CCDC183: variants seen among roughly 807,000 people sequenced by gnomAD.
The protein encoded by CCDC183 is coiled-coil domain-containing protein 183.
Under a neutral mutation model 65.2 loss-of-function variants are expected in CCDC183, and 63 were observed. That is an observed-to-expected ratio of 0.97 (90% CI 0.79 to 1.19). The LOEUF (loss-of-function observed/expected upper bound fraction) is 1.19. CCDC183 is among the 50% of genes most tolerant of loss of function. The pLI is 0.00. For synonymous variants in CCDC183, 323 were observed against 276.5 expected (o/e 1.17, Z -1.67); for missense variants, 769 against 689.3 (o/e 1.12, Z -1.30).
At chr9:136,797,318 G>A (rs1847662599) in intron 1 of CCDC183, among the ~76,000 whole-genome samples, 1 of 152,166 alleles carries the variant, frequency 6.6e-6, no homozygotes, top group African/African-American at 2.4e-5. Context: ...CCCTCACCAA[G>A]ATAGTAAAAA....
In CCDC183 at chr9:136,807,065, C is replaced by A; in HGVS notation, c.1485C>A (p.Ile495=). ...ISFENREEDM[I]DTFQFPDMDH... ...TTGAGAACCGGGAGGAGGATATGAT[C>A]GGTACAGGCCCCGGAACTGGGGCCC... is the stretch of plus-strand genomic sequence containing the variant. Residue 495 remains isoleucine (I), a splice_region_variant and synonymous_variant, in exon 13 of 14, where the codon ATC becomes ATA. Coordinates refer to ENST00000338005, the MANE Select transcript of CCDC183 (RefSeq NM_001039374.5). The A allele has an allele frequency of 6.2e-7, 1 of 1,612,746 alleles. No individual in the cohort carries two copies. The highest frequency in any genetic ancestry group is 2.2e-5 in the East Asian group (1 of 44,856).
In CCDC183 at chr9:136,807,046, A is replaced by C; in HGVS notation, c.1466A>C (p.Asn489Thr). Residue 489 changes from asparagine to threonine, a missense_variant, in exon 13 of 14, where the codon AAC (asparagine) becomes ACC (threonine). Transcript: ENST00000338005. ...EKYNTRISFENREEDMIDTFQ... is the reference protein window; with the variant it reads ...EKYNTRISFETREEDMIDTFQ... Reference sequence around the variant, plus strand: ...TACAACACCAGGATCAGCTTTGAGAACCGGGAGGAGGATATGATCGGTACA... The same window carrying C: ...TACAACACCAGGATCAGCTTTGAGACCCGGGAGGAGGATATGATCGGTACA... The C allele has an allele frequency of 1.2e-6, 2 of 1,613,286 alleles. No homozygotes were observed. The highest frequency in any genetic ancestry group is 8.5e-7 in the Non-Finnish European group (1 of 1,179,974).
intron 13 of CCDC183, 26 bp from the exon 14 acceptor site, chr9:136,807,546 G>A (rs1847884039): frequency 1.3e-6 from 2 of 1,574,470 alleles, no homozygotes; most frequent in Non-Finnish European, 1.7e-6. Context: ...CTAGCCCCGT[G>A]TGCGAGCCGC....
At chr9:136,798,007 A>T (rs137914946) in intron 1 of CCDC183, among the ~76,000 whole-genome samples, 17 of 150,126 alleles carry the variant, frequency 1.1e-4, no homozygotes, top group Non-Finnish European at 1.2e-4. Flanking sequence ...TTGTATTTTT[A>T]TTTATTTATT....
chr9:136,799,152 A>G lies in CCDC183; in HGVS notation c.121A>G (p.Asn41Asp), dbSNP rs563268349. 1 of 1,613,402 alleles carries G rather than the reference A, an allele frequency of 6.2e-7. No homozygotes were observed. The highest frequency in any genetic ancestry group is 2.2e-5 in the East Asian group (1 of 44,892). Residue 41 changes from asparagine to aspartate, a missense_variant, in exon 2 of 14, where the codon AAC (asparagine) becomes GAC (aspartate). By Grantham distance (23) the Asn-to-Asp change is conservative. Transcript: ENST00000338005. ...AGGGGTGAAAGAGAATATGGACCAGAACAAGGCCACGCTGGCCCTCCTGCG... is the reference window on the plus strand; with the variant it reads ...AGGGGTGAAAGAGAATATGGACCAGGACAAGGCCACGCTGGCCCTCCTGCG... ...IQGVKENMDQ[N>D]KATLALLRSN...
chr9:136,806,070 C>T lies in CCDC183; in HGVS notation c.949-8C>T. On this transcript the variant is annotated splice_region_variant and splice_polypyrimidine_tract_variant and intron_variant, in intron 9 of 13. Transcript: ENST00000338005. ...CACACCTGCTTCTCTCTCCCCCGGA[C>T]TGGCCAGGACATCACTAGCCGCTTC... The T allele has an allele frequency of 6.5e-7, 1 of 1,548,410 alleles. No individual in the cohort carries two copies. Among genetic ancestry groups the T allele is most frequent in the Non-Finnish European group, 8.7e-7 (1 of 1,146,482 alleles).
At chr9:136,797,141 GCT>G (rs1349169123) in intron 1 of CCDC183, among the ~76,000 whole-genome samples, 6 of 152,326 alleles carry the variant, frequency 3.9e-5, no homozygotes, top group African/African-American at 1.4e-4. Context: ...CAGCAATACT[GCT>G]CTGTTACTCT....
In CCDC183 at chr9:136,802,775, G is replaced by C. The variant is rs762051602; in HGVS notation, c.655G>C (p.Asp219His). ...IMSQDAMMIT[D>H]EVKRNMRQRE... The stretch of plus-strand genomic sequence containing the variant: ...GTCCCAAGATGCCATGATGATCACG[G>C]ATGAGGTCAAGGTGAGCTCAGGGCC... The change falls in exon 6 of 14, where the codon GAT becomes CAT. Residue 219 changes from aspartate to histidine, a missense_variant. Transcript: ENST00000338005. The C allele has an allele frequency of 1.3e-5, 21 of 1,611,232 alleles. No individual in the cohort carries two copies. In the South Asian group the frequency reaches 2.2e-4, roughly 17 times the overall value.
At chr9:136,800,568 G>A (rs948914149) in intron 5 of CCDC183, 75 bp downstream of exon 5, 5 of 1,122,246 alleles carry the variant, frequency 4.5e-6, no homozygotes, top group Non-Finnish European at 6.5e-6. Flanking sequence ...CTGGGGCGGA[G>A]CCGCCCCGCA....
Position 136,804,329 on chromosome 9 carries a change from T to G in CCDC183, c.667-173T>G. The G allele has an allele frequency of 3.3e-5, 28 of 850,540 alleles. No homozygotes were observed. The highest frequency in any genetic ancestry group is 4.4e-5 in the Non-Finnish European group (25 of 569,008). 52.7% of individuals were successfully genotyped at this position (850,540 alleles called of 1,614,324 possible). A position where few individuals can be genotyped will look rare whatever the true frequency, so the allele number is the denominator to read the frequency against. On this transcript the variant is annotated intron_variant, in intron 6 of 13. Coordinates refer to ENST00000338005, the MANE Select transcript of CCDC183 (RefSeq NM_001039374.5). The surrounding 1 kb of genome is among the most constrained non-coding windows in gnomAD (Gnocchi z 4.1). ...TCTGAGGCATGGGCAAGGAGGGCCG[T>G]GAGCTGAGGGGCCACGGGCACAAGT...
At chr9:136,807,362 G>A (rs547325707) in intron 13 of CCDC183, 2 of 713,988 alleles carry the variant, frequency 2.8e-6, no homozygotes, top group Admixed American at 3.0e-5. Context: ...GGCCTGGGCC[G>A]GAGCTTCCAC....
chr9:136,796,442 G>T lies in CCDC183; in HGVS notation c.45G>T (p.Glu15Asp). 1 of 1,577,384 alleles carries T rather than the reference G, an allele frequency of 6.3e-7. No homozygotes were observed. Among genetic ancestry groups the T allele is most frequent in the Non-Finnish European group, 8.6e-7 (1 of 1,161,092 alleles). ...CAGATGTGGAAGAGCAGACCCAGGA[G>T]CTGAAGACCATCACTCAGCTCCAGG... ...SETDVEEQTQ[E>D]LKTITQLQEQ... The change falls in exon 1 of 14, where the codon GAG (glutamate) becomes GAT (aspartate). Residue 15 changes from glutamate (E) to aspartate (D), a missense_variant. Physicochemically the swap from Glu to Asp is conservative, Grantham distance 45. Coordinates refer to ENST00000338005, the MANE Select transcript of CCDC183 (RefSeq NM_001039374.5).
Position 136,799,928 on chromosome 9 carries a change from C to A in CCDC183, c.271-74C>A. 4 of 1,534,370 alleles carry A rather than the reference C, an allele frequency of 2.6e-6. No homozygotes were observed. The Admixed American group carries it at 6.0e-5, about 23-fold the overall frequency. Reference sequence around the variant, plus strand: ...CCTGTGGGGTTGCCACGAGCCTCCACCCGCCCGCCTGCTGGCGGGCTCCAT... The same window carrying A: ...CCTGTGGGGTTGCCACGAGCCTCCAACCGCCCGCCTGCTGGCGGGCTCCAT... On this transcript the variant is annotated intron_variant, in intron 3 of 13. Coordinates refer to ENST00000338005, the MANE Select transcript of CCDC183 (RefSeq NM_001039374.5).
intron 10 of CCDC183, 23 bp from the exon 11 acceptor site, chr9:136,806,480 CT>C (rs1426781833): frequency 1.2e-6 from 2 of 1,613,142 alleles, no homozygotes; most frequent in Non-Finnish European, 1.7e-6. Flanking sequence ...CCCCTCACTG[CT>C]GTGTCCCTAT....
intron 6 of CCDC183, among the ~76,000 whole-genome samples, chr9:136,803,452 AGAG>A (rs1387872217): frequency 6.6e-6 from 1 of 151,972 alleles, no homozygotes. Context: ...GCCATGAAGT[AGAG>A]GAGAGGGAGA....
At chr9:136,805,300 C>T (rs1047687522) in intron 8 of CCDC183, 57 bp from the exon 9 acceptor site, 27 of 1,441,262 alleles carry the variant, frequency 1.9e-5, no homozygotes, top group Non-Finnish European at 2.3e-5. Flanking sequence ...GACAGCCTTA[C>T]ACAGAGCCCC....
intron 1 of CCDC183, among the ~76,000 whole-genome samples, chr9:136,798,388 C>A (rs1847684999): frequency 6.6e-6 from 1 of 152,102 alleles, no homozygotes; most frequent in South Asian, 2.1e-4. Flanking sequence ...GCAACCTCCA[C>A]CTCCTGGGTT....
At position 136,799,144 on chromosome 9, in the gene CCDC183, T is replaced by C. The variant is rs945386; in HGVS notation, c.113T>C (p.Met38Thr). The C allele has an allele frequency of 0.23, 365,652 of 1,613,124 alleles. 42,253 individuals carry two copies. Among genetic ancestry groups the C allele is most frequent in the African/African-American group, 0.32 (23,850 of 75,006 alleles). The change falls in exon 2 of 14, where the codon ATG (methionine) becomes ACG (threonine). Residue 38 changes from methionine (M) to threonine (T), a missense_variant. Physicochemically the swap from Met to Thr is moderately conservative, Grantham distance 81. Coordinates refer to ENST00000338005, the MANE Select transcript of CCDC183 (RefSeq NM_001039374.5). ...ALQIQGVKEN[M>T]DQNKATLALL... ...CAGATCCAAGGGGTGAAAGAGAATA[T>C]GGACCAGAACAAGGCCACGCTGGCC...
At chr9:136,799,286 C>G (rs1450705843) in intron 2 of CCDC183, 63 bp downstream of exon 2, 1 of 1,522,772 alleles carries the variant, frequency 6.6e-7, no homozygotes, top group East Asian at 2.3e-5. Flanking sequence ...TACACACACA[C>G]TCGGAGGGCG....
Sources: allele counts gnomAD v4.1 joint callset (sites outside exome capture counted in the v4.1 genomes callset), GRCh38; gene constraint gnomAD v4.1.1; non-coding constraint Gnocchi (gnomAD v3.1); transcripts MANE v1.5; gene names NCBI Gene and HGNC (gene_info 2026-07-23, HGNC 2026-07-21).